Variants in MIPEP observed in about 807,000 individuals in gnomAD.
The protein encoded by MIPEP is mitochondrial intermediate peptidase.
In MIPEP, 79 loss-of-function variants were observed where a neutral mutation model predicts 90.3. The ratio of observed to expected loss-of-function variants is 0.87; its 90% confidence interval spans 0.73 to 1.05. The LOEUF (loss-of-function observed/expected upper bound fraction) is 1.05. Ranked by LOEUF, MIPEP falls within the 50% of genes least tolerant of loss-of-function variation. MIPEP has a pLI of 0.00. For missense variants in MIPEP, 940 were observed against 905.6 expected, an observed-to-expected ratio of 1.04 and a Z score of -0.49; for synonymous variants, 334 against 315.8, an observed-to-expected ratio of 1.06 and a Z score of -0.61.
At chr13:23,828,782 G>A (rs1193788774) in intron 14 of MIPEP, among the ~76,000 whole-genome samples, 1 of 152,088 alleles carries the variant, frequency 6.6e-6, no homozygotes, top group Non-Finnish European at 1.5e-5. Flanking sequence ...ACTCTTACCA[G>A]AATTTTTCAA....
chr13:23,816,219 A>C (rs1593170740), intron 14 of MIPEP, among the ~76,000 whole-genome samples: 1 of 152,184 alleles, frequency 6.6e-6, no homozygotes, highest in Admixed American at 6.5e-5. Context: ...ATTCTCAGTT[A>C]TTATGCCATC....
chr13:23,810,925 A>AT (rs1466795701), intron 14 of MIPEP, among the ~76,000 whole-genome samples: 2 of 152,188 alleles, frequency 1.3e-5, no homozygotes, highest in East Asian at 3.8e-4. Flanking sequence ...TTCTCTTTCC[A>AT]TTTGGCAGCA....
At chr13:23,809,192 C>A (rs1953144575) in intron 15 of MIPEP, among the ~76,000 whole-genome samples, 1 of 152,054 alleles carries the variant, frequency 6.6e-6, no homozygotes, top group South Asian at 2.1e-4. Context: ...AAACTTCAAA[C>A]CTAAAAACAC....
intron 1 of MIPEP, among the ~76,000 whole-genome samples, chr13:23,887,554 G>A (rs997272695): frequency 1.7e-4 from 26 of 152,198 alleles, no homozygotes; most frequent in Non-Finnish European, 3.1e-4. Context: ...TTATCTGTTT[G>A]AAAGTCTTCT....
intron 10 of MIPEP, among the ~76,000 whole-genome samples, chr13:23,846,499 A>G (rs896312185): frequency 1.9e-4 from 29 of 152,084 alleles, no homozygotes; most frequent in African/African-American, 7.0e-4. Flanking sequence ...TTTTTTTTCT[A>G]TTTTGGAAAA....
At chr13:23,837,884 TTCTA>T (rs888931239) in intron 12 of MIPEP, 128 bp from the exon 13 acceptor site, 61 of 650,342 alleles carry the variant, frequency 9.4e-5, no homozygotes, top group African/African-American at 3.8e-4. Context: ...TATATTCTTA[TTCTA>T]TCTATTTACA....
At chr13:23,854,334 ATTTG>A (rs141612710) in intron 10 of MIPEP, among the ~76,000 whole-genome samples, 2,844 of 151,380 alleles carry the variant, frequency 0.019, 33 homozygotes, top group Middle Eastern at 0.034. Flanking sequence ...TCCATTTCCT[ATTTG>A]TTTATTTTGA....
chr13:23,836,466 T>G, intron 13 of MIPEP, 117 bp from the exon 14 acceptor site: 1 of 493,720 alleles, frequency 2.0e-6, no homozygotes, highest in Non-Finnish European at 3.4e-6. Context: ...TTTAATTCAT[T>G]AAATCAATAT....
intron 16 of MIPEP, among the ~76,000 whole-genome samples, chr13:23,781,408 A>G (rs1952780922): frequency 6.6e-6 from 1 of 152,202 alleles, no homozygotes; most frequent in African/African-American, 2.4e-5. Flanking sequence ...AAATGCTGGG[A>G]GATTTTGTCA....
rs186536599 is a variant in MIPEP, at chr13:23,860,300, C to T, written c.1054-1388G>A. ...AGATGAGAAAGGGAGAAAGGCATTC[C>T]TGTAGGTGGTGTTTGTAAATGACTG... On this transcript the variant is annotated intron_variant, in intron 9 of 18. Coordinates refer to ENST00000382172, the MANE Select transcript of MIPEP (RefSeq NM_005932.4). Among the ~76,000 whole-genome samples, 407 of 152,306 alleles carry T rather than the reference C, an allele frequency of 2.7e-3. 5 individuals are homozygous for T. Among genetic ancestry groups the T allele is most frequent in the African/African-American group, 9.4e-3 (389 of 41,572 alleles).
Position 23,869,312 on chromosome 13 carries a change from C to T in MIPEP, c.923G>A (p.Gly308Glu). The T allele has an allele frequency of 1.2e-6, 2 of 1,604,692 alleles. No individual in the cohort carries two copies. The highest frequency in any genetic ancestry group is 1.7e-5 in the Admixed American group (1 of 57,316). The change falls in exon 7 of 19, where the codon GGA becomes GAA. Residue 308 changes from glycine (G) to glutamate (E), a missense_variant. Physicochemically the swap from Gly to Glu is moderately conservative, Grantham distance 98. Transcript: ENST00000382172. ...YSTFSHRALQ[G>E]TIAKNPETVM... The stretch of plus-strand genomic sequence containing the variant: ...CTTACCTGGATTTTTAGCTATCGTT[C>T]CTTGGAGAGCCCTGTGAGAAAACGT...
chr13:23,809,355 T>TC, intron 15 of MIPEP, among the ~76,000 whole-genome samples: 1 of 151,926 alleles, frequency 6.6e-6, no homozygotes, highest in Non-Finnish European at 1.5e-5. Flanking sequence ...ATAGTCTTTT[T>TC]TTTTTTTTGA....
At chr13:23,774,241 A>T (rs9553060) in intron 16 of MIPEP, among the ~76,000 whole-genome samples, 1 of 151,442 alleles carries the variant, frequency 6.6e-6, no homozygotes, top group Non-Finnish European at 1.5e-5. Flanking sequence ...TTTTTTCTGG[A>T]ATCTCAGTTG....
chr13:23,800,793 T>C (rs955217873), intron 16 of MIPEP, among the ~76,000 whole-genome samples: 7 of 152,200 alleles, frequency 4.6e-5, no homozygotes, highest in Admixed American at 3.3e-4. Flanking sequence ...AAATTATCCA[T>C]GAAGACTTCC....
At chr13:23,785,892 T>C (rs1289434863) in intron 16 of MIPEP, among the ~76,000 whole-genome samples, 1 of 151,702 alleles carries the variant, frequency 6.6e-6, no homozygotes, top group Non-Finnish European at 1.5e-5. Context: ...AAAATACCTT[T>C]TCAAATCAGT....
chr13:23,735,186 A>C (rs1952248112), intron 18 of MIPEP, among the ~76,000 whole-genome samples: 1 of 152,166 alleles, frequency 6.6e-6, no homozygotes. Flanking sequence ...GAGCCTGTGC[A>C]AATCAGACAC....
chr13:23,831,386 G>GGGGC lies in MIPEP; in HGVS notation c.1653+4853_1653+4854insGCCC, dbSNP rs1555237548. On this transcript the variant is annotated intron_variant, in intron 14 of 18. Coordinates refer to ENST00000382172, the MANE Select transcript of MIPEP (RefSeq NM_005932.4). Reference sequence around the variant, plus strand: ...GGACAGCCTAGCTTCCCCATGGCGGGGGGGGGATGTGGATGGGAATTGCCT... The same window carrying GGGGC: ...GGACAGCCTAGCTTCCCCATGGCGGGGGGCGGGGGGATGTGGATGGGAATTGCCT... Among the ~76,000 whole-genome samples, 41 of 69,460 alleles carry GGGGC rather than the reference G, an allele frequency of 5.9e-4. 4 individuals are homozygous for GGGGC. Among genetic ancestry groups the GGGGC allele is most frequent in the Non-Finnish European group, 1.0e-3 (33 of 32,806 alleles). 45.6% of individuals were successfully genotyped at this position (69,460 alleles called of 152,430 possible).
At chr13:23,825,174 C>A (rs531756925) in intron 14 of MIPEP, among the ~76,000 whole-genome samples, 1 of 152,122 alleles carries the variant, frequency 6.6e-6, no homozygotes, top group Non-Finnish European at 1.5e-5. Flanking sequence ...GTGGTGGGGC[C>A]GGGCTCAGAT....
chr13:23,889,189 G>A lies in MIPEP; in HGVS notation c.132C>T (p.Gly44=), dbSNP rs1871681733. 1.4e-6 allele frequency: 2 copies of A among 1,465,732 alleles called. No individual in the cohort carries two copies. Among genetic ancestry groups the A allele is most frequent in the South Asian group, 1.4e-5 (1 of 74,052 alleles). The allele number at this position is 1,465,732 out of a possible 1,614,324, so 90.8% of individuals were successfully genotyped here. The change falls in exon 1 of 19, where the codon GGC becomes GGT. Residue 44 remains glycine (G), a synonymous_variant. Transcript: ENST00000382172. ...RRVSTSWSPV[G]AAFNVKPQGS... ...CCTGGGGCTTGACATTGAAGGCGGC[G>A]CCCACGGGAGACCAGCTGGTGCTGA...
Sources: allele counts gnomAD v4.1 joint callset (sites outside exome capture counted in the v4.1 genomes callset), GRCh38; gene constraint gnomAD v4.1.1; transcripts MANE v1.5; gene names NCBI Gene and HGNC (gene_info 2026-07-23, HGNC 2026-07-21).